The following RRM2 variants were observed in gnomAD, a reference collection of about 807,000 sequenced individuals.
RRM2 encodes the protein ribonucleoside-diphosphate reductase subunit M2.
A neutral mutation model predicts 45.9 loss-of-function variants in RRM2; 6 were observed. The ratio of observed to expected loss-of-function variants is 0.13; its 90% CI spans 0.07 to 0.26. The LOEUF (loss-of-function observed/expected upper bound fraction) is 0.26, where lower values mean the gene tolerates loss of function less well. Among genes scored for constraint, RRM2 ranks in the 10% least tolerant of loss-of-function variants. RRM2 has a pLI of 1.00. For missense variants in RRM2, 343 were observed against 489.5 expected (o/e 0.70, Z 2.82); for synonymous variants, 177 against 173.0 (o/e 1.02, Z -0.18).
At chr2:10,142,832 A>T (rs1053718037) in intron 3 of RRM2, among the ~76,000 whole-genome samples, 1 of 151,980 alleles carries the variant, frequency 6.6e-6, no homozygotes, top group Admixed American at 6.5e-5. Flanking sequence ...CTCCCCGCTC[A>T]CCTCTGCCTT....
intron 3 of RRM2, among the ~76,000 whole-genome samples, chr2:10,183,293 T>A (rs1664098710): frequency 1.3e-5 from 2 of 152,232 alleles, no homozygotes; most frequent in South Asian, 4.1e-4. Context: ...TTTATGTCCC[T>A]CAGGACTCAC....
In RRM2 at chr2:10,123,844, G is replaced by A; in HGVS notation, c.427G>A (p.Glu143Lys). 1 of 1,569,654 alleles carries A rather than the reference G, an allele frequency of 6.4e-7. No individual in the cohort carries two copies. The highest frequency in any genetic ancestry group is 8.8e-7 in the Non-Finnish European group (1 of 1,139,832). The change falls in exon 4 of 10, where the codon GAA becomes AAA. Residue 143 changes from glutamate to lysine, a missense_variant. This residue lies in a region of RRM2 where 212 missense variants were observed against 368.1 expected (regional missense o/e 0.58). Transcript: ENST00000304567. ...FFAASDGIVN[E>K]NLVERFSQEV... ...TGCAGCAAGCGATGGCATAGTAAAT[G>A]AAAACTTGGTGAGTTTCCAAAACAT...
At chr2:10,184,513 T>C (rs1418744250) in intron 3 of RRM2, among the ~76,000 whole-genome samples, 2 of 152,232 alleles carry the variant, frequency 1.3e-5, no homozygotes, top group Non-Finnish European at 2.9e-5. Context: ...ACTGGGACTG[T>C]TGGTCCAAAC....
rs1371350459 is a variant in RRM2, at chr2:10,131,318, C to T, written c.*1932C>T. 6.6e-6 allele frequency: 1 copy of T among 152,166 alleles called. No homozygotes were observed. The highest frequency in any genetic ancestry group is 1.9e-4 in the East Asian group (1 of 5,204). 9.4% of individuals were successfully genotyped at this position (152,166 alleles called of 1,614,324 possible). A position where few individuals can be genotyped will look rare whatever the true frequency, so the allele number is the denominator to read the frequency against. The stretch of plus-strand genomic sequence containing the variant: ...AGGATTAACTTCTGCCAGCTCAGAC[C>T]ATTTCCTAATCAGTTGAAAGGGAAA... On this transcript the variant is annotated 3_prime_UTR_variant, in exon 10 of 10. Coordinates refer to ENST00000304567, the MANE Select transcript of RRM2 (RefSeq NM_001034.4).
intron 2 of RRM2, chr2:10,142,250 C>T: frequency 6.7e-7 from 1 of 1,487,334 alleles, no homozygotes; most frequent in Non-Finnish European, 9.1e-7. Context: ...GATTTCATTT[C>T]TAAGGGGATG....
chr2:10,160,869 C>A (rs1490800407), intron 3 of RRM2, among the ~76,000 whole-genome samples: 2 of 152,200 alleles, frequency 1.3e-5, no homozygotes, highest in Non-Finnish European at 2.9e-5. Context: ...CTCTGTCTGC[C>A]CTGTTGCCTG....
At chr2:10,190,352 GTGT>G (rs1409937280) in intron 3 of RRM2, among the ~76,000 whole-genome samples, 8 of 136,740 alleles carry the variant, frequency 5.9e-5, no homozygotes, top group Admixed American at 2.9e-4. Context: ...GGTGAGGATG[GTGT>G]TGGTGGTGAT....
chr2:10,137,660 G>A (rs769041984), upstream of RRM2, among the ~76,000 whole-genome samples: 11 of 152,230 alleles, frequency 7.2e-5, no homozygotes, highest in African/African-American at 2.7e-4. Context: ...GGAGCCTCAC[G>A]CTTAGGAATG....
In RRM2 at chr2:10,127,940, G is replaced by A. The variant is rs1662816166; in HGVS notation, c.798+720G>A. Among the ~76,000 whole-genome samples the A allele has an allele frequency of 6.6e-6, 1 of 151,946 alleles. No individual in the cohort carries two copies. Among genetic ancestry groups the A allele is most frequent in the Admixed American group, 6.6e-5 (1 of 15,260 alleles). On this transcript the variant is annotated intron_variant, in intron 7 of 9. Coordinates refer to ENST00000304567, the MANE Select transcript of RRM2 (RefSeq NM_001034.4). This position sits in a 1 kb window ranked among gnomAD's most constrained non-coding sequence, Gnocchi z 4.1. Reference sequence around the variant, plus strand: ...CCAGCACTTTGGTAGGCCGAGGCGGGTGGATCATGAGGTCAGGAGATTGAG... The same window carrying A: ...CCAGCACTTTGGTAGGCCGAGGCGGATGGATCATGAGGTCAGGAGATTGAG...
Position 10,171,614 on chromosome 2 carries a change from T to A in RRM2, n.482+29239T>A, listed in dbSNP as rs1216024382. On this transcript the variant is annotated intron_variant and non_coding_transcript_variant, in intron 3 of 3. Coordinates refer to the RRM2 transcript ENST00000381786. The surrounding 1 kb of genome is among the most constrained non-coding windows in gnomAD (Gnocchi z 4.1). ...GATGCTGAACAAAGGAACAGGGTGA[T>A]CTGGGAGCAGCAGCAGCCGCTGTCC... Among the ~76,000 whole-genome samples the A allele has an allele frequency of 6.6e-6, 1 of 152,090 alleles. No homozygotes were observed. Among genetic ancestry groups the A allele is most frequent in the Non-Finnish European group, 1.5e-5 (1 of 68,018 alleles).
At chr2:10,210,473 G>A (rs7423163) in exon 4 of RRM2, 1 of 1,367,812 alleles carries the variant, frequency 7.3e-7, no homozygotes, top group Non-Finnish European at 9.8e-7. Context: ...TTATCTGGGT[G>A]GGAACTCACC....
At chr2:10,186,793 A>G (rs1034688417) in intron 3 of RRM2, among the ~76,000 whole-genome samples, 1 of 152,208 alleles carries the variant, frequency 6.6e-6, no homozygotes, top group African/African-American at 2.4e-5. Flanking sequence ...GGGTGGGGCC[A>G]AGGGATTGGC....
intron 3 of RRM2, among the ~76,000 whole-genome samples, chr2:10,173,613 G>A (rs1663848610): frequency 6.6e-6 from 1 of 152,198 alleles, no homozygotes; most frequent in South Asian, 2.1e-4. Flanking sequence ...ACCTGGAATC[G>A]GCCCTCATGC....
At chr2:10,188,244 A>C (rs552384365) in intron 3 of RRM2, among the ~76,000 whole-genome samples, 42 of 152,308 alleles carry the variant, frequency 2.8e-4, no homozygotes, top group African/African-American at 9.9e-4. Context: ...GGTGTCTGTC[A>C]GCTCGGGCTG....
chr2:10,162,956 A>C (rs1324243000), intron 3 of RRM2, among the ~76,000 whole-genome samples: 1 of 152,182 alleles, frequency 6.6e-6, no homozygotes, highest in Admixed American at 6.5e-5. Context: ...GGCTGCTTCC[A>C]AGAATAGAGT....
chr2:10,126,976 A>G lies in RRM2; in HGVS notation c.664+7A>G. The G allele has an allele frequency of 6.2e-7, 1 of 1,613,054 alleles. No homozygotes were observed. Among genetic ancestry groups the G allele is most frequent in the South Asian group, 1.1e-5 (1 of 91,020 alleles). On this transcript the variant is annotated splice_region_variant and intron_variant, in intron 6 of 9. Coordinates refer to ENST00000304567, the MANE Select transcript of RRM2 (RefSeq NM_001034.4). Reference sequence around the variant, plus strand: ...GACAAAGAGGCTACCTATGGTAAGGAGACCCTTGCCCCTACTTAAACCTGA... The same window carrying G: ...GACAAAGAGGCTACCTATGGTAAGGGGACCCTTGCCCCTACTTAAACCTGA...
intron 3 of RRM2, among the ~76,000 whole-genome samples, chr2:10,154,691 C>CTTTTT (rs70948874): frequency 2.7e-4 from 26 of 95,748 alleles, no homozygotes; most frequent in African/African-American, 5.9e-4. Context: ...AGTCCTGATT[C>CTTTTT]TTTTTTTTTT....
At chr2:10,148,233 A>C (rs1256686590) in intron 3 of RRM2, among the ~76,000 whole-genome samples, 1 of 149,538 alleles carries the variant, frequency 6.7e-6, no homozygotes, top group Non-Finnish European at 1.5e-5. Flanking sequence ...TGTTTAATGT[A>C]TCATTTCTAA....
intron 3 of RRM2, among the ~76,000 whole-genome samples, chr2:10,151,617 G>T (rs1663313875): frequency 6.6e-6 from 1 of 152,066 alleles, no homozygotes; most frequent in Admixed American, 6.6e-5. Flanking sequence ...TTGAGGAGGT[G>T]CATAGGAGCA....
Sources: allele counts gnomAD v4.1 joint callset (sites outside exome capture counted in the v4.1 genomes callset), GRCh38; gene constraint gnomAD v4.1.1; regional missense constraint gnomAD v4.1.1; non-coding constraint Gnocchi (gnomAD v3.1); transcripts MANE v1.5; gene names NCBI Gene and HGNC (gene_info 2026-07-23, HGNC 2026-07-21).